The following ERBB4 variants were observed in gnomAD, a reference collection of about 807,000 sequenced individuals.
ERBB4 encodes the protein receptor tyrosine-protein kinase erbB-4.
ERBB4 carries 42 observed loss-of-function variants against 158.0 expected under a neutral mutation model. That is an observed-to-expected ratio of 0.27 (90% CI 0.21 to 0.34). The LOEUF (loss-of-function observed/expected upper bound fraction) is 0.34. Among genes scored for constraint, ERBB4 ranks in the 10% least tolerant of loss-of-function variants. ERBB4 has a pLI of 1.00. For missense variants in ERBB4, 1,333 were observed against 1,624.1 expected, an observed-to-expected ratio of 0.82 and a Z score of 3.08; for synonymous variants, 583 against 558.7, an observed-to-expected ratio of 1.04 and a Z score of -0.61.
intron 3 of ERBB4, among the ~76,000 whole-genome samples, chr2:211,842,110 T>G (rs1408124682): frequency 6.6e-6 from 1 of 152,070 alleles, no homozygotes; most frequent in African/African-American, 2.4e-5. Flanking sequence ...CTAAATTAAG[T>G]TGCCGATTAT....
intron 9 of ERBB4, among the ~76,000 whole-genome samples, chr2:211,708,866 A>G (rs1329373687): frequency 1.3e-5 from 2 of 152,088 alleles, no homozygotes; most frequent in Admixed American, 6.6e-5. Context: ...GCAACTCAAC[A>G]CAAACCCTCC....
At chr2:212,143,810 G>A (rs1384104190) in intron 1 of ERBB4, among the ~76,000 whole-genome samples, 1 of 152,058 alleles carries the variant, frequency 6.6e-6, no homozygotes, top group Non-Finnish European at 1.5e-5. Context: ...AAGGTCAGGA[G>A]TTCGAGACTA....
intron 1 of ERBB4, among the ~76,000 whole-genome samples, chr2:212,390,650 T>C (rs1486080983): frequency 6.6e-6 from 1 of 151,842 alleles, no homozygotes; most frequent in Admixed American, 6.6e-5. Flanking sequence ...TAATATCTAA[T>C]ACATATGCAT....
At chr2:211,787,575 A>T (rs2076194012) in intron 4 of ERBB4, among the ~76,000 whole-genome samples, 1 of 152,200 alleles carries the variant, frequency 6.6e-6, no homozygotes, top group African/African-American at 2.4e-5. Flanking sequence ...CTTCAGGGGC[A>T]AATGAAGGCT....
chr2:211,524,426 G>A (rs1465245885), intron 20 of ERBB4, among the ~76,000 whole-genome samples: 1 of 151,002 alleles, frequency 6.6e-6, no homozygotes, highest in Non-Finnish European at 1.5e-5. Context: ...CGTGGAGCAG[G>A]GGGTGGTGCT....
At chr2:211,859,313 T>C (rs781463877) in intron 3 of ERBB4, among the ~76,000 whole-genome samples, 1 of 152,180 alleles carries the variant, frequency 6.6e-6, no homozygotes, top group Admixed American at 6.5e-5. Flanking sequence ...CACAAATATA[T>C]GGCAACCCTA....
chr2:211,673,464 A>G (rs929616932), intron 13 of ERBB4, among the ~76,000 whole-genome samples: 1 of 143,760 alleles, frequency 7.0e-6, no homozygotes, highest in African/African-American at 2.6e-5. Flanking sequence ...ATTGAGTTCA[A>G]TGTTAGACTC....
chr2:212,059,570 G>C (rs1431997320), intron 2 of ERBB4, among the ~76,000 whole-genome samples: 1 of 152,156 alleles, frequency 6.6e-6, no homozygotes, highest in Non-Finnish European at 1.5e-5. Context: ...AACCAAAACA[G>C]CATGGTACTG....
Position 212,538,474 on chromosome 2 carries a change from G to T in ERBB4, c.57C>A (p.Thr19=), listed in dbSNP as rs547252285. Reference sequence around the variant, plus strand: ...CTGACTGAGAATCGCTGGGCTGGACGGTCCCCGCCGCCACGAGAAGGCTCA... The same window carrying T: ...CTGACTGAGAATCGCTGGGCTGGACTGTCCCCGCCGCCACGAGAAGGCTCA... ...VWVSLLVAAG[T]VQPSDSQSVC... is the part of the protein sequence containing the mutation. Residue 19 remains threonine (T), a synonymous_variant, in exon 1 of 28, where the codon ACC becomes ACA. Transcript: ENST00000342788. 6.2e-7 allele frequency: 1 copy of T among 1,613,934 alleles called. No homozygotes were observed.
chr2:212,365,916 C>A (rs911194758), intron 1 of ERBB4, among the ~76,000 whole-genome samples: 1 of 151,792 alleles, frequency 6.6e-6, no homozygotes. Flanking sequence ...AAACCCTCCA[C>A]GATCAGACCA....
chr2:212,454,072 C>T (rs1688149123), intron 1 of ERBB4, among the ~76,000 whole-genome samples: 1 of 152,084 alleles, frequency 6.6e-6, no homozygotes, highest in East Asian at 1.9e-4. Context: ...TCCCCAGTAG[C>T]TGGGACTACA....
chr2:211,447,445 A>C (rs1251489196), intron 20 of ERBB4, among the ~76,000 whole-genome samples: 1 of 152,172 alleles, frequency 6.6e-6, no homozygotes, highest in Non-Finnish European at 1.5e-5. Flanking sequence ...AATCTTACGC[A>C]AAGATATGAA....
At chr2:211,964,559 C>A (rs1034663226) in intron 2 of ERBB4, among the ~76,000 whole-genome samples, 1 of 152,172 alleles carries the variant, frequency 6.6e-6, no homozygotes, top group East Asian at 1.9e-4. Context: ...ACTTTCACCT[C>A]TCTTGTCTAG....
chr2:211,670,299 T>G (rs1292058438), intron 14 of ERBB4, among the ~76,000 whole-genome samples: 1 of 152,190 alleles, frequency 6.6e-6, no homozygotes, highest in African/African-American at 2.4e-5. Context: ...GGCCACTGGT[T>G]GAGCTCAGCC....
At chr2:211,537,262 G>T (rs1366162589) in intron 20 of ERBB4, among the ~76,000 whole-genome samples, 3 of 151,836 alleles carry the variant, frequency 2.0e-5, no homozygotes, top group African/African-American at 7.2e-5. Context: ...AGCTTATAAT[G>T]ATGTTTATAA....
intron 1 of ERBB4, among the ~76,000 whole-genome samples, chr2:212,487,585 T>G (rs189908377): frequency 6.6e-6 from 1 of 150,664 alleles, no homozygotes; most frequent in Admixed American, 6.6e-5. Context: ...ATTCAGCAAA[T>G]ATGTGTTGAG....
chr2:211,633,914 C>T (rs987284281), intron 16 of ERBB4, among the ~76,000 whole-genome samples: 6 of 152,162 alleles, frequency 3.9e-5, no homozygotes, highest in Non-Finnish European at 7.3e-5. Flanking sequence ...ATCCCCACAC[C>T]TTGGGAGGCC....
At chr2:211,741,897 T>A (rs568921581) in intron 5 of ERBB4, among the ~76,000 whole-genome samples, 1 of 152,314 alleles carries the variant, frequency 6.6e-6, no homozygotes, top group East Asian at 1.9e-4. Context: ...TCAGGGAAGA[T>A]TTTTCTCATT....
intron 3 of ERBB4, among the ~76,000 whole-genome samples, chr2:211,827,156 C>A (rs918093996): frequency 1.3e-5 from 2 of 151,954 alleles, no homozygotes; most frequent in African/African-American, 4.8e-5. Flanking sequence ...GACTCTTACC[C>A]TACCCATGCT....
Sources: allele counts gnomAD v4.1 joint callset (sites outside exome capture counted in the v4.1 genomes callset), GRCh38; gene constraint gnomAD v4.1.1; transcripts MANE v1.5; gene names NCBI Gene and HGNC (gene_info 2026-07-23, HGNC 2026-07-21).